SYT9: variants seen among roughly 807,000 people sequenced by gnomAD.
The protein encoded by SYT9 is synaptotagmin 9.
In SYT9, 22 loss-of-function variants were observed where a neutral mutation model predicts 48.4. That is an observed-to-expected ratio of 0.45 (90% CI 0.32 to 0.65). The LOEUF is 0.65. Ranked by LOEUF, SYT9 falls within the 30% of genes least tolerant of loss-of-function variation. The probability of loss-of-function intolerance (pLI) is 0.03; values close to 1 mark genes in which losing one functional copy is unlikely to be tolerated. For missense variants in SYT9, 577 were observed against 622.0 expected, an observed-to-expected ratio of 0.93 and a Z score of 0.77; for synonymous variants, 265 against 245.0, an observed-to-expected ratio of 1.08 and a Z score of -0.76.
intron 3 of SYT9, among the ~76,000 whole-genome samples, chr11:7,358,866 A>G (rs1850072162): frequency 6.6e-6 from 1 of 151,412 alleles, no homozygotes; most frequent in Admixed American, 6.6e-5. Flanking sequence ...TTTTTTTATT[A>G]TACTTTGAGT....
intron 1 of SYT9, among the ~76,000 whole-genome samples, chr11:7,243,142 T>C (rs1051223912): frequency 1.3e-5 from 2 of 152,030 alleles, no homozygotes; most frequent in Non-Finnish European, 2.9e-5. Context: ...ACATAAAATA[T>C]ATATAGAGAA....
intron 3 of SYT9, among the ~76,000 whole-genome samples, chr11:7,332,060 G>C (rs1849543675): frequency 6.6e-6 from 1 of 152,214 alleles, no homozygotes; most frequent in South Asian, 2.1e-4. Flanking sequence ...GAAGCTGAGA[G>C]GGATTCTCGT....
At chr11:7,242,709 A>C (rs1249714719) in intron 1 of SYT9, among the ~76,000 whole-genome samples, 1 of 152,100 alleles carries the variant, frequency 6.6e-6, no homozygotes, top group African/African-American at 2.4e-5. Context: ...GGTAGATTAG[A>C]GGTGGGAAAA....
At chr11:7,376,343 T>TC (rs1392725076) in intron 3 of SYT9, among the ~76,000 whole-genome samples, 20 of 145,024 alleles carry the variant, frequency 1.4e-4, no homozygotes, top group African/African-American at 4.3e-4. Flanking sequence ...TCTCCCTCTT[T>TC]CTTTCCTTCC....
chr11:7,460,821 T>C (rs554466992), intron 6 of SYT9, among the ~76,000 whole-genome samples: 1 of 152,320 alleles, frequency 6.6e-6, no homozygotes, highest in Admixed American at 6.5e-5. Flanking sequence ...TTTATAATTC[T>C]TATTTGTTAA....
chr11:7,358,126 GA>G (rs201651414), intron 3 of SYT9, among the ~76,000 whole-genome samples: 2,728 of 152,210 alleles, frequency 0.018, 55 homozygotes, highest in African/African-American at 0.042. Context: ...CTGCGAAGAC[GA>G]AAATGGTATA....
chr11:7,384,768 A>G (rs1308297780), intron 3 of SYT9, among the ~76,000 whole-genome samples: 1 of 152,158 alleles, frequency 6.6e-6, no homozygotes, highest in Non-Finnish European at 1.5e-5. Flanking sequence ...ATCCTTTCAT[A>G]GTTTACATGA....
chr11:7,417,927 C>G (rs753702228), intron 4 of SYT9, 30 bp from the exon 5 acceptor site: 2 of 1,604,038 alleles, frequency 1.2e-6, no homozygotes, highest in South Asian at 2.2e-5. Context: ...CGTATCCTCA[C>G]AGTACTCCTG....
chr11:7,262,561 G>A (rs374957666), intron 1 of SYT9, among the ~76,000 whole-genome samples: 1 of 152,076 alleles, frequency 6.6e-6, no homozygotes, highest in Non-Finnish European at 1.5e-5. Flanking sequence ...TTAATGAAGA[G>A]AGACTAGAAA....
intron 2 of SYT9, among the ~76,000 whole-genome samples, chr11:7,310,305 T>C (rs1849109212): frequency 6.6e-6 from 1 of 151,754 alleles, no homozygotes; most frequent in Admixed American, 6.6e-5. Flanking sequence ...GGCTAATTTT[T>C]GTATCTCTAG....
At chr11:7,432,284 C>A (rs1046497516) in intron 6 of SYT9, among the ~76,000 whole-genome samples, 2 of 151,960 alleles carry the variant, frequency 1.3e-5, no homozygotes, top group Non-Finnish European at 1.5e-5. Context: ...TGGTGGCTCA[C>A]GCCTGTAATC....
At chr11:7,379,421 C>G (rs541875280) in intron 3 of SYT9, among the ~76,000 whole-genome samples, 5 of 152,232 alleles carry the variant, frequency 3.3e-5, no homozygotes, top group Admixed American at 6.5e-5. Flanking sequence ...TATTATTCAA[C>G]AGCCCTCATC....
At chr11:7,277,919 G>C (rs953620254) in intron 1 of SYT9, among the ~76,000 whole-genome samples, 1 of 152,242 alleles carries the variant, frequency 6.6e-6, no homozygotes, top group African/African-American at 2.4e-5. Flanking sequence ...CAGAGAAAAT[G>C]AAGTGTGCCA....
Position 7,418,112 on chromosome 11 carries a change from G to C in SYT9, c.1321G>C (p.Val441Leu), listed in dbSNP as rs540124821. ...TGACCAAATCCACTTGTCCATAGCA[G>C]TCATGGACTATGACCGGTGAGATAC... ...NIDQIHLSIA[V>L]MDYDRVGHNE... The change falls in exon 5 of 7, where the codon GTC becomes CTC. Residue 441 changes from valine to leucine, a missense_variant. By Grantham distance (32) the Val-to-Leu change is conservative (BLOSUM62 1). Coordinates refer to ENST00000318881, the MANE Select transcript of SYT9 (RefSeq NM_175733.4). 1.2e-6 allele frequency: 2 copies of C among 1,613,736 alleles called. No homozygotes were observed. Among genetic ancestry groups the C allele is most frequent in the African/African-American group, 1.3e-5 (1 of 74,886 alleles).
chr11:7,356,370 G>A (rs920791621), intron 3 of SYT9, among the ~76,000 whole-genome samples: 4 of 152,218 alleles, frequency 2.6e-5, no homozygotes, highest in Non-Finnish European at 5.9e-5. Context: ...CTGTATTTCA[G>A]TGTTCTAAAT....
intron 6 of SYT9, among the ~76,000 whole-genome samples, chr11:7,448,175 C>T (rs925679999): frequency 3.3e-5 from 5 of 152,170 alleles, no homozygotes; most frequent in African/African-American, 1.2e-4. Context: ...TCACAAATAT[C>T]CTAAATATTG....
chr11:7,303,115 T>A lies in SYT9; in HGVS notation c.222T>A (p.Ser74=). 6.2e-7 allele frequency: 1 copy of A among 1,614,186 alleles called. No individual in the cohort carries two copies. Among genetic ancestry groups the A allele is most frequent in the Non-Finnish European group, 8.5e-7 (1 of 1,180,040 alleles). ...TCTTTGGCGTGTCTCTCTTCGTATCTTGGAAACTCTGCTGGGTTCCGTGGC... is the reference window on the plus strand; with the variant it reads ...TCTTTGGCGTGTCTCTCTTCGTATCATGGAAACTCTGCTGGGTTCCGTGGC... The part of the protein sequence containing the change: ...LALFGVSLFV[S]WKLCWVPWRE... The change falls in exon 2 of 7, where the codon TCT becomes TCA. Residue 74 remains serine (S), a synonymous_variant. Transcript: ENST00000318881.
intron 6 of SYT9, among the ~76,000 whole-genome samples, chr11:7,428,296 G>A (rs1201846533): frequency 1.3e-5 from 2 of 152,164 alleles, no homozygotes; most frequent in African/African-American, 4.8e-5. Flanking sequence ...TCACTGCCTT[G>A]GAGCATCCCT....
At chr11:7,417,205 T>C (rs1847269317) in intron 4 of SYT9, among the ~76,000 whole-genome samples, 1 of 152,084 alleles carries the variant, frequency 6.6e-6, no homozygotes, top group Non-Finnish European at 1.5e-5. Context: ...CTGTGGTCCC[T>C]CTGGTCATCT....
Sources: allele counts gnomAD v4.1 joint callset (sites outside exome capture counted in the v4.1 genomes callset), GRCh38; gene constraint gnomAD v4.1.1; transcripts MANE v1.5; gene names NCBI Gene and HGNC (gene_info 2026-07-23, HGNC 2026-07-21).